ATP8A1: variants seen among roughly 807,000 people sequenced by gnomAD.
The protein encoded by ATP8A1 is ATPase phospholipid transporting 8A1.
In ATP8A1, 90 loss-of-function variants were observed where a neutral mutation model predicts 177.7. The ratio of observed to expected loss-of-function variants is 0.51; its 90% confidence interval spans 0.43 to 0.60. The LOEUF is 0.60. Ranked by LOEUF, ATP8A1 falls within the 20% of genes least tolerant of loss-of-function variation. The pLI is 0.00. For synonymous variants in ATP8A1, 493 were observed against 485.9 expected (o/e 1.01, Z -0.19); for missense variants, 1,072 against 1,392.8 (o/e 0.77, Z 3.67).
intron 22 of ATP8A1, among the ~76,000 whole-genome samples, chr4:42,516,325 C>T (rs1725530340): frequency 6.6e-6 from 1 of 151,922 alleles, no homozygotes; most frequent in Non-Finnish European, 1.5e-5. Flanking sequence ...CTCTTAAGCT[C>T]AGAAATGATC....
chr4:42,476,690 G>A (rs960256206), intron 25 of ATP8A1, among the ~76,000 whole-genome samples: 5 of 151,842 alleles, frequency 3.3e-5, no homozygotes, highest in African/African-American at 1.2e-4. Flanking sequence ...ACCATAAAAG[G>A]AAAAAATTAG....
chr4:42,656,714 C>A, intron 1 of ATP8A1, 111 bp downstream of exon 1: 2 of 1,296,206 alleles, frequency 1.5e-6, no homozygotes, highest in Non-Finnish European at 2.0e-6. Context: ...GACAGTCGGA[C>A]TGCCGCCGGG....
intron 4 of ATP8A1, among the ~76,000 whole-genome samples, chr4:42,616,632 C>T (rs1030776599): frequency 2.6e-5 from 4 of 152,216 alleles, no homozygotes; most frequent in African/African-American, 9.6e-5. Context: ...CTGTTCAATG[C>T]TCCCCAGCAT....
In ATP8A1 at chr4:42,522,268, C is replaced by T. The variant is rs1182341022; in HGVS notation, c.1839G>A (p.Glu613=). 1 of 1,613,776 alleles carries T rather than the reference C, an allele frequency of 6.2e-7. No individual in the cohort carries two copies. Among genetic ancestry groups the T allele is most frequent in the Admixed American group, 1.7e-5 (1 of 59,994 alleles). ...GLRTLCFAVA[E]ISESDFQEWR... ...ACTCCTGAAAGTCGCTCTCTGAAATCTCAGCCACAGCAAAACATAAAGTTC... is the reference window on the plus strand; with the variant it reads ...ACTCCTGAAAGTCGCTCTCTGAAATTTCAGCCACAGCAAAACATAAAGTTC... The change falls in exon 22 of 37, where the codon GAG becomes GAA. Residue 613 remains glutamate, a synonymous_variant. Coordinates refer to ENST00000381668, the MANE Select transcript of ATP8A1 (RefSeq NM_006095.2).
In ATP8A1 at chr4:42,579,805, T is replaced by C. The variant is rs890996902; in HGVS notation, c.1000+8A>G. 2 of 1,608,504 alleles carry C rather than the reference T, an allele frequency of 1.2e-6. No individual in the cohort carries two copies. Among genetic ancestry groups the C allele is most frequent in the Non-Finnish European group, 8.5e-7 (1 of 1,177,292 alleles). On this transcript the variant is annotated splice_region_variant and intron_variant, in intron 11 of 36. Transcript: ENST00000381668. ...CTAAAAAAGTGCAGTAAGCACTTTATTGCTTACAGTTTAGATTGAGATACC... is the reference window on the plus strand; with the variant it reads ...CTAAAAAAGTGCAGTAAGCACTTTACTGCTTACAGTTTAGATTGAGATACC...
At chr4:42,472,280 A>G (rs759030090) in intron 25 of ATP8A1, 7 of 545,278 alleles carry the variant, frequency 1.3e-5, no homozygotes, top group Non-Finnish European at 2.5e-5. Context: ...GACAAAGCAT[A>G]GGAGAACAAC....
At position 42,549,043 on chromosome 4, in the gene ATP8A1, T is replaced by C; in HGVS notation, c.1622A>G (p.Tyr541Cys). 2 of 1,612,324 alleles carry C rather than the reference T, an allele frequency of 1.2e-6. No homozygotes were observed. Among genetic ancestry groups the C allele is most frequent in the Non-Finnish European group, 1.7e-6 (2 of 1,178,850 alleles). The change falls in exon 19 of 37, where the codon TAT (tyrosine) becomes TGT (cysteine). Residue 541 changes from tyrosine (Y) to cysteine (C), a missense_variant. Coordinates refer to ENST00000381668, the MANE Select transcript of ATP8A1 (RefSeq NM_006095.2). ...IIDSLGQEER[Y>C]ELLNVLEFTS... ...AAACTCCAAGACATTGAGCAATTCATATCTTTCTTCCTGCCCCAGCTAAGA... is the reference window on the plus strand; with the variant it reads ...AAACTCCAAGACATTGAGCAATTCACATCTTTCTTCCTGCCCCAGCTAAGA...
intron 14 of ATP8A1, among the ~76,000 whole-genome samples, chr4:42,569,783 A>C (rs1171236352): frequency 6.6e-6 from 1 of 152,244 alleles, no homozygotes; most frequent in Non-Finnish European, 1.5e-5. Context: ...TATTTCACTC[A>C]TTAAAACACT....
chr4:42,534,859 G>T (rs1481073901), intron 20 of ATP8A1, among the ~76,000 whole-genome samples: 1 of 152,116 alleles, frequency 6.6e-6, no homozygotes, highest in East Asian at 1.9e-4. Flanking sequence ...CCTACCTTTA[G>T]CCTCAAATAA....
intron 33 of ATP8A1, among the ~76,000 whole-genome samples, chr4:42,425,942 G>C (rs1714563268): frequency 6.6e-6 from 1 of 152,226 alleles, no homozygotes; most frequent in Non-Finnish European, 1.5e-5. Context: ...CTGGTAACAG[G>C]AGGGCACAGG....
At chr4:42,489,519 C>T (rs1273303473) in intron 24 of ATP8A1, among the ~76,000 whole-genome samples, 3 of 152,302 alleles carry the variant, frequency 2.0e-5, no homozygotes, top group Middle Eastern at 6.8e-3. Context: ...AAACTTCTCA[C>T]AGTGAATTCA....
At chr4:42,440,941 A>G (rs1001387326) in intron 33 of ATP8A1, among the ~76,000 whole-genome samples, 1 of 152,070 alleles carries the variant, frequency 6.6e-6, no homozygotes, top group African/African-American at 2.4e-5. Flanking sequence ...TTAGTGTGGA[A>G]GGAATTGCTG....
intron 15 of ATP8A1, among the ~76,000 whole-genome samples, chr4:42,557,243 C>T (rs984870315): frequency 1.3e-5 from 2 of 152,020 alleles, no homozygotes; most frequent in African/African-American, 2.4e-5. Flanking sequence ...AAAGTGAACA[C>T]GTCATCATCA....
intron 33 of ATP8A1, among the ~76,000 whole-genome samples, chr4:42,440,845 C>G (rs1039333705): frequency 6.6e-6 from 1 of 152,190 alleles, no homozygotes; most frequent in Non-Finnish European, 1.5e-5. Context: ...TATTCTCTGT[C>G]TGCTCCACCT....
chr4:42,524,666 A>C (rs1466568304), intron 21 of ATP8A1, 97 bp downstream of exon 21: 3 of 671,976 alleles, frequency 4.5e-6, no homozygotes, highest in East Asian at 2.9e-5. Flanking sequence ...TTACTTTAGG[A>C]ATCTCTAAGT....
chr4:42,471,453 T>G (rs1008310059), intron 25 of ATP8A1, among the ~76,000 whole-genome samples: 4 of 152,218 alleles, frequency 2.6e-5, no homozygotes, highest in Non-Finnish European at 5.9e-5. Context: ...ACCTCTCTTT[T>G]GTAGAATTTA....
chr4:42,460,675 A>G (rs936847232), intron 27 of ATP8A1, among the ~76,000 whole-genome samples: 2 of 152,166 alleles, frequency 1.3e-5, no homozygotes, highest in Non-Finnish European at 2.9e-5. Flanking sequence ...GCGTGAGCCA[A>G]CGCACCCAGC....
intron 21 of ATP8A1, among the ~76,000 whole-genome samples, chr4:42,524,278 A>T (rs1726449455): frequency 2.6e-5 from 4 of 152,204 alleles, no homozygotes; most frequent in African/African-American, 9.6e-5. Context: ...GCTCTCTAAA[A>T]AAGTCTTGAG....
At chr4:42,555,704 T>C (rs563042897) in intron 16 of ATP8A1, among the ~76,000 whole-genome samples, 88 of 152,180 alleles carry the variant, frequency 5.8e-4, no homozygotes, top group African/African-American at 2.1e-3. Flanking sequence ...GTGCCTGTAA[T>C]CCCAGCTACT....
Sources: allele counts gnomAD v4.1 joint callset (sites outside exome capture counted in the v4.1 genomes callset), GRCh38; gene constraint gnomAD v4.1.1; transcripts MANE v1.5; gene names NCBI Gene and HGNC (gene_info 2026-07-23, HGNC 2026-07-21).